The following ERC1 variants were observed in gnomAD, a reference collection of about 807,000 sequenced individuals.
ERC1 encodes ELKS/RAB6-interacting/CAST family member 1, also known as RAB6 interacting protein 2.
ERC1 carries 56 observed loss-of-function variants against 132.0 expected under a neutral mutation model. That is an observed-to-expected ratio of 0.42 (90% CI 0.34 to 0.53). ERC1 has a LOEUF of 0.53. Among genes scored for constraint, ERC1 ranks in the 20% least tolerant of loss-of-function variants. The pLI is 0.03. For missense variants in ERC1, 1,202 were observed against 1,349.9 expected (o/e 0.89, Z 1.72); for synonymous variants, 478 against 476.1 (o/e 1.00, Z -0.05).
chr12:1,021,795 A>G (rs1966422222), intron 1 of ERC1, among the ~76,000 whole-genome samples: 1 of 151,976 alleles, frequency 6.6e-6, no homozygotes, highest in Non-Finnish European at 1.5e-5. Flanking sequence ...GAGCCCCTCC[A>G]TGTCACCTTA....
intron 15 of ERC1, among the ~76,000 whole-genome samples, chr12:1,335,911 T>TTGGC (rs1566617693): frequency 6.6e-6 from 1 of 151,740 alleles, no homozygotes; most frequent in East Asian, 1.9e-4. Flanking sequence ...GGTTGGTTGG[T>TTGGC]TGGCTATTTG....
intron 14 of ERC1, among the ~76,000 whole-genome samples, chr12:1,276,238 T>C (rs1265170495): frequency 6.9e-6 from 1 of 144,754 alleles, no homozygotes; most frequent in Non-Finnish European, 1.5e-5. Flanking sequence ...TCTTTTTCTT[T>C]TTCTTTTTTT....
rs1221116372 is a variant in ERC1 at position 1,137,967 on chromosome 12, TATTATC to T, written c.1570-3650_1570-3645del. On this transcript the variant is annotated intron_variant, in intron 7 of 18. Coordinates refer to ENST00000360905, the MANE Select transcript of ERC1 (RefSeq NM_178040.4). ...ATATATTTATATAAATTAGATATAA[TATTATC>T]ATATATAGTATATATAATATATATT... is the stretch of plus-strand genomic sequence containing the variant. Among the ~76,000 whole-genome samples the T allele has an allele frequency of 6.1e-5, 8 of 131,726 alleles. No homozygotes were observed. The East Asian group carries it at 1.1e-3, about 17-fold the overall frequency. 86.4% of individuals were successfully genotyped at this position (131,726 alleles called of 152,430 possible). A position where few individuals can be genotyped will look rare whatever the true frequency, so the allele number is the denominator to read the frequency against.
In ERC1 at chr12:1,006,562, T is replaced by G. The variant is rs143348869; in HGVS notation, c.-157+15240T>G. 6.0e-3 allele frequency among the ~76,000 whole-genome samples: 911 copies of G among 152,194 alleles called. 10 individuals carry two copies. The highest frequency in any genetic ancestry group is 0.019 in the African/African-American group (807 of 41,534). The stretch of plus-strand genomic sequence containing the variant: ...CATGCCCAGCTCATTTTTGTAATTT[T>G]TTTTGTTTTGTTTTTAAGAGATGGG... On this transcript the variant is annotated intron_variant, in intron 1 of 18. Transcript: ENST00000360905.
chr12:1,069,363 G>A (rs977992386), intron 2 of ERC1, among the ~76,000 whole-genome samples: 2 of 152,134 alleles, frequency 1.3e-5, no homozygotes, highest in African/African-American at 4.8e-5. Context: ...TAAAGTTGGA[G>A]GCACACTCTG....
chr12:1,228,441 G>T (rs1255669088), intron 12 of ERC1, among the ~76,000 whole-genome samples: 2 of 105,174 alleles, frequency 1.9e-5, no homozygotes, highest in Admixed American at 1.8e-4. Flanking sequence ...ATTTTTTTAT[G>T]CAGGCTTTAG....
At chr12:1,419,221 A>T (rs576224122) in intron 17 of ERC1, among the ~76,000 whole-genome samples, 1 of 152,154 alleles carries the variant, frequency 6.6e-6, no homozygotes, top group Non-Finnish European at 1.5e-5. Flanking sequence ...TTAAAATCTG[A>T]GTAGAAAAGG....
intron 3 of ERC1, among the ~76,000 whole-genome samples, chr12:1,093,414 G>A (rs1943506037): frequency 6.6e-6 from 1 of 152,146 alleles, no homozygotes; most frequent in Non-Finnish European, 1.5e-5. Flanking sequence ...CTTGACAGGT[G>A]ATTCTGTTAT....
At chr12:1,133,159 GTTT>G (rs34017253) in intron 7 of ERC1, among the ~76,000 whole-genome samples, 1 of 149,970 alleles carries the variant, frequency 6.7e-6, no homozygotes, top group Non-Finnish European at 1.5e-5. Flanking sequence ...CACCTGGCCG[GTTT>G]TTTTTTGTTT....
At position 1,028,228 on chromosome 12, in the gene ERC1, A is replaced by G. The variant is rs772809702; in HGVS notation, c.325A>G (p.Ser109Gly). Residue 109 changes from serine (S) to glycine (G), a missense_variant, in exon 2 of 19, where the codon AGT becomes GGT. By Grantham distance (56) the Ser-to-Gly change is moderately conservative. Coordinates refer to ENST00000360905, the MANE Select transcript of ERC1 (RefSeq NM_178040.4). ...PYGVRMTAMG[S>G]SPNIASSGVA... The stretch of plus-strand genomic sequence containing the variant: ...CGGTGTTCGGATGACTGCTATGGGT[A>G]GTAGCCCCAATATAGCTAGCAGTGG... 8.1e-6 allele frequency: 13 copies of G among 1,614,042 alleles called. No homozygotes were observed. Among genetic ancestry groups the G allele is most frequent in the Non-Finnish European group, 1.1e-5 (13 of 1,180,038 alleles).
At chr12:1,054,092 T>G (rs1376332780) in intron 2 of ERC1, among the ~76,000 whole-genome samples, 1 of 152,220 alleles carries the variant, frequency 6.6e-6, no homozygotes, top group Non-Finnish European at 1.5e-5. Flanking sequence ...GTTATTATTT[T>G]TATAACTGGA....
At chr12:1,122,299 CTAT>C in intron 7 of ERC1, among the ~76,000 whole-genome samples, 1 of 1,050 alleles carries the variant, frequency 9.5e-4, no homozygotes, top group African/African-American at 1.8e-3. Flanking sequence ...ATCTCTATCT[CTAT>C]CTGTGTCTCT....
At chr12:1,458,214 C>T (rs1298889503) in intron 18 of ERC1, among the ~76,000 whole-genome samples, 1 of 152,174 alleles carries the variant, frequency 6.6e-6, no homozygotes, top group Non-Finnish European at 1.5e-5. Context: ...GAGGATTCAG[C>T]TAGCATGAGT....
chr12:1,464,460 G>A (rs1198441082), intron 18 of ERC1, among the ~76,000 whole-genome samples: 1 of 145,210 alleles, frequency 6.9e-6, no homozygotes, highest in African/African-American at 2.5e-5. Context: ...ACATCCTGTT[G>A]TGAATTCAGT....
chr12:1,394,015 CAAA>C (rs1216337061), intron 16 of ERC1, among the ~76,000 whole-genome samples: 1 of 26,932 alleles, frequency 3.7e-5, no homozygotes, highest in African/African-American at 1.8e-4. Context: ...GACTCCGTCT[CAAA>C]AAAAAAAAAA....
In ERC1 at chr12:1,027,894, C is replaced by A. The variant is rs1475135316; in HGVS notation, c.-10C>A. ...GATTTTCTGCTCACACCTTTCCTGA[C>A]CTTGCAACCATGTATGGAAGTGCCC... On this transcript the variant is annotated 5_prime_UTR_variant, in exon 2 of 19. Coordinates refer to ENST00000360905, the MANE Select transcript of ERC1 (RefSeq NM_178040.4). 12 of 1,587,964 alleles carry A rather than the reference C, an allele frequency of 7.6e-6. No homozygotes were observed. The highest frequency in any genetic ancestry group is 1.4e-5 in the African/African-American group (1 of 74,064).
At chr12:1,273,531 A>G (rs896803329) in intron 14 of ERC1, among the ~76,000 whole-genome samples, 3 of 152,216 alleles carry the variant, frequency 2.0e-5, no homozygotes, top group African/African-American at 7.2e-5. Flanking sequence ...GAACTTGCTA[A>G]AACAGTGGTA....
In ERC1 at chr12:1,016,898, G is replaced by A. The variant is rs927172111; in HGVS notation, c.-156-10850G>A. 1.2e-4 allele frequency among the ~76,000 whole-genome samples: 19 copies of A among 152,060 alleles called. No individual in the cohort carries two copies. The East Asian group carries it at 3.7e-3, about 29-fold the overall frequency. ...ACTCCTGACCTCAAGTGATCTGCCT[G>A]CCTTGGCCTCCCAAATTATTGGGAT... On this transcript the variant is annotated intron_variant, in intron 1 of 18. Transcript: ENST00000360905.
chr12:1,002,043 G>C (rs1036635463), intron 1 of ERC1, among the ~76,000 whole-genome samples: 1 of 149,230 alleles, frequency 6.7e-6, no homozygotes, highest in Non-Finnish European at 1.5e-5. Flanking sequence ...TGTATTTTAA[G>C]TAGAGATGGG....
Sources: allele counts gnomAD v4.1 joint callset (sites outside exome capture counted in the v4.1 genomes callset), GRCh38; gene constraint gnomAD v4.1.1; transcripts MANE v1.5; gene names NCBI Gene and HGNC (gene_info 2026-07-23, HGNC 2026-07-21).